The following LITAF variants were observed in gnomAD, a reference collection of about 807,000 sequenced individuals.
LITAF encodes the protein lipopolysaccharide induced TNF factor, also known as lipopolysaccharide-induced tumor necrosis factor-alpha factor.
In LITAF, 9 loss-of-function variants were observed where a neutral mutation model predicts 14.5. The ratio of observed to expected loss-of-function variants is 0.62; its 90% CI spans 0.37 to 1.08. The LOEUF is 1.08. Among genes scored for constraint, LITAF ranks in the 50% least tolerant of loss-of-function variants. The pLI, the probability that LITAF is intolerant of heterozygous loss-of-function variation, is 0.01. For synonymous variants in LITAF, 98 were observed against 88.2 expected (o/e 1.11, Z -0.62); for missense variants, 206 against 213.4 (o/e 0.97, Z 0.22).
intron 3 of LITAF, among the ~76,000 whole-genome samples, chr16:11,614,298 CTT>C (rs34958536): frequency 0.14 from 19,165 of 134,794 alleles, 1,483 homozygotes; most frequent in Non-Finnish European, 0.2. Flanking sequence ...TTTTTCTTTT[CTT>C]TTTTTTTTTT....
chr16:11,589,070 C>T (rs1401920819), upstream of LITAF, among the ~76,000 whole-genome samples: 2 of 152,286 alleles, frequency 1.3e-5, no homozygotes, highest in East Asian at 1.9e-4. Context: ...CGGCTGTGAG[C>T]TTGCAATTAT....
At chr16:11,622,203 G>GGCTT (rs2065054954) in intron 3 of LITAF, among the ~76,000 whole-genome samples, 1 of 152,164 alleles carries the variant, frequency 6.6e-6, no homozygotes, top group South Asian at 2.1e-4. Context: ...CAGGCGGCAT[G>GGCTT]GCTTGCTCAT....
At chr16:11,561,874 TCACA>T (rs1160248995) in intron 1 of LITAF, among the ~76,000 whole-genome samples, 1 of 130,844 alleles carries the variant, frequency 7.6e-6, no homozygotes, top group Non-Finnish European at 1.5e-5. Context: ...CACCCTAAAC[TCACA>T]CACACACTCT....
intron 1 of LITAF, among the ~76,000 whole-genome samples, chr16:11,576,005 C>T (rs2064626619): frequency 6.6e-6 from 1 of 152,066 alleles, no homozygotes; most frequent in Admixed American, 6.6e-5. Flanking sequence ...TTCAGCCTCT[C>T]GACCAGCTGG....
intron 1 of LITAF, among the ~76,000 whole-genome samples, chr16:11,574,959 C>CGCTCA (rs1332307493): frequency 6.6e-6 from 1 of 152,086 alleles, no homozygotes; most frequent in East Asian, 1.9e-4. Flanking sequence ...CATGCCACCA[C>CGCTCA]GCTCAGCTCA....
At chr16:11,570,257 A>G (rs1243765596) in intron 1 of LITAF, among the ~76,000 whole-genome samples, 1 of 152,124 alleles carries the variant, frequency 6.6e-6, no homozygotes, top group Non-Finnish European at 1.5e-5. Flanking sequence ...TGAGCAAAAT[A>G]CACCGGAACA....
intron 3 of LITAF, among the ~76,000 whole-genome samples, chr16:11,625,709 C>T (rs1439337020): frequency 1.3e-5 from 2 of 152,168 alleles, no homozygotes; most frequent in African/African-American, 4.8e-5. Context: ...AGAAAGAGAT[C>T]AACCTTCCCT....
At position 11,632,594 on chromosome 16, in the gene LITAF, G is replaced by A. The variant is rs1271059053; in HGVS notation, c.85+939C>T. 2.0e-5 allele frequency among the ~76,000 whole-genome samples: 3 copies of A among 152,200 alleles called. No individual in the cohort carries two copies. The highest frequency in any genetic ancestry group is 6.5e-5 in the Admixed American group (1 of 15,280). ...CTCTTTGGCCTGCGCTCCCTGGCAC[G>A]TGGGATCCCTTGGCCCCATCTGGAG... On this transcript the variant is annotated intron_variant, in intron 3 of 3. Transcript: ENST00000574848. This position sits in a 1 kb window ranked among gnomAD's most constrained non-coding sequence, Gnocchi z 4.8.
At chr16:11,640,085 G>A (rs971158339), upstream of LITAF, among the ~76,000 whole-genome samples, 1 of 152,098 alleles carries the variant, frequency 6.6e-6, no homozygotes, top group Non-Finnish European at 1.5e-5. Flanking sequence ...ACAATGTGTC[G>A]ATGTGGATAA....
chr16:11,571,255 T>C (rs1471553233), intron 1 of LITAF, among the ~76,000 whole-genome samples: 1 of 152,058 alleles, frequency 6.6e-6, no homozygotes, highest in African/African-American at 2.4e-5. Flanking sequence ...TTAGTAGAGA[T>C]GGAGTTTCAC....
chr16:11,589,200 T>C (rs996300550), upstream of LITAF, among the ~76,000 whole-genome samples: 3 of 152,146 alleles, frequency 2.0e-5, no homozygotes, highest in Admixed American at 6.6e-5. Context: ...CACGTGATCA[T>C]CTCAATAGAC....
At chr16:11,579,640 T>C (rs1175683838) in intron 1 of LITAF, among the ~76,000 whole-genome samples, 1 of 152,136 alleles carries the variant, frequency 6.6e-6, no homozygotes, top group African/African-American at 2.4e-5. Context: ...AACAATAACA[T>C]ACCCTCATCA....
At chr16:11,599,182 G>A (rs2868427), upstream of LITAF, among the ~76,000 whole-genome samples, 83,044 of 149,782 alleles carry the variant, frequency 0.55, 22,923 homozygotes, top group Middle Eastern at 0.59. Context: ...GCAGTGGTGC[G>A]ATCTCGGCTC....
At chr16:11,589,912 C>T (rs1269804692), upstream of LITAF, among the ~76,000 whole-genome samples, 2 of 120,902 alleles carry the variant, frequency 1.7e-5, 1 homozygote, top group East Asian at 5.6e-4. Context: ...GTGTGAGGCA[C>T]CACACCCAGC....
chr16:11,575,367 T>A (rs552947223), intron 1 of LITAF: 2 of 152,120 alleles, frequency 1.3e-5, no homozygotes. Context: ...AGGGGGCAGA[T>A]CTGGGTACAG....
chr16:11,624,289 G>A (rs180727177), intron 3 of LITAF, among the ~76,000 whole-genome samples: 1 of 152,176 alleles, frequency 6.6e-6, no homozygotes, highest in South Asian at 2.1e-4. Flanking sequence ...TTGGTGGAAA[G>A]AGAATATTTT....
chr16:11,549,149 G>A lies in LITAF; in HGVS notation c.*488C>T. Reference sequence around the variant, plus strand: ...CAAGCCTGTAAAGTCTGTAAGGCAAGATCTTTGTCATCAGGGACGGGAAGA... The same window carrying A: ...CAAGCCTGTAAAGTCTGTAAGGCAAAATCTTTGTCATCAGGGACGGGAAGA... On this transcript the variant is annotated 3_prime_UTR_variant, in exon 4 of 4. Transcript: ENST00000622633. The surrounding 1 kb of genome is among the most constrained non-coding windows in gnomAD (Gnocchi z 4.6). 2.2e-6 allele frequency: 1 copy of A among 454,162 alleles called. No individual in the cohort carries two copies. Among genetic ancestry groups the A allele is most frequent in the South Asian group, 1.6e-5 (1 of 64,458 alleles). 28.1% of individuals were successfully genotyped at this position (454,162 alleles called of 1,614,324 possible).
At chr16:11,610,148 G>T (rs1186769633) in intron 3 of LITAF, among the ~76,000 whole-genome samples, 1 of 152,206 alleles carries the variant, frequency 6.6e-6, no homozygotes, top group Non-Finnish European at 1.5e-5. Flanking sequence ...AGGACTGGGT[G>T]GTGGGGGGAC....
At position 11,577,787 on chromosome 16, in the gene LITAF, C is replaced by G. The variant is rs1006677680; in HGVS notation, c.-6+9099G>C. ...CTGGAGTGCAGTGGCACCATTGGCACCATCATAGCTTACTATGGCCTCAGC... is the reference window on the plus strand; with the variant it reads ...CTGGAGTGCAGTGGCACCATTGGCAGCATCATAGCTTACTATGGCCTCAGC... On this transcript the variant is annotated intron_variant, in intron 1 of 3. Coordinates refer to ENST00000622633, the MANE Select transcript of LITAF (RefSeq NM_001136472.2). Among the ~76,000 whole-genome samples the G allele has an allele frequency of 5.9e-5, 9 of 152,116 alleles. No individual in the cohort carries two copies. In the East Asian group the frequency reaches 1.7e-3, roughly 29 times the overall value.
Sources: allele counts gnomAD v4.1 joint callset (sites outside exome capture counted in the v4.1 genomes callset), GRCh38; gene constraint gnomAD v4.1.1; non-coding constraint Gnocchi (gnomAD v3.1); transcripts MANE v1.5; gene names NCBI Gene and HGNC (gene_info 2026-07-23, HGNC 2026-07-21).